Variants in ARMH3 observed in about 807,000 individuals in gnomAD.
ARMH3 encodes armadillo-like helical domain-containing protein 3.
ARMH3 carries 60 observed loss-of-function variants against 99.1 expected under a neutral mutation model. That is an observed-to-expected ratio of 0.61 (90% CI 0.49 to 0.75). The LOEUF is 0.75. Ranked by LOEUF, ARMH3 falls within the 30% of genes least tolerant of loss-of-function variation. The pLI, the probability that ARMH3 is intolerant of heterozygous loss-of-function variation, is 0.00. For missense variants in ARMH3, 679 were observed against 843.1 expected (o/e 0.81, Z 2.41); for synonymous variants, 285 against 292.8 (o/e 0.97, Z 0.27).
chr10:101,976,255 G>A (rs1020798654), intron 19 of ARMH3, among the ~76,000 whole-genome samples: 11 of 146,952 alleles, frequency 7.5e-5, no homozygotes, highest in African/African-American at 2.2e-4. Context: ...CAGGAGAATC[G>A]CTTGAACCTA....
chr10:102,020,502 G>A (rs1033550389), intron 8 of ARMH3, among the ~76,000 whole-genome samples: 16 of 151,892 alleles, frequency 1.1e-4, no homozygotes, highest in Non-Finnish European at 1.9e-4. Flanking sequence ...TAGCTAACAC[G>A]GTGAAACCCC....
intron 23 of ARMH3, among the ~76,000 whole-genome samples, chr10:101,909,209 C>A (rs1251521955): frequency 6.6e-6 from 1 of 151,464 alleles, no homozygotes; most frequent in Non-Finnish European, 1.5e-5. Context: ...GAGTTGGAGA[C>A]CAGCCTGGGC....
chr10:101,962,651 T>C (rs1845348827), intron 20 of ARMH3, among the ~76,000 whole-genome samples: 1 of 152,176 alleles, frequency 6.6e-6, no homozygotes, highest in Non-Finnish European at 1.5e-5. Context: ...ATTTTACAGA[T>C]GAGCAAATCA....
In ARMH3 at chr10:102,014,144, G is replaced by A. The variant is rs1000991268; in HGVS notation, c.670-120C>T. On this transcript the variant is annotated intron_variant, in intron 8 of 25. Coordinates refer to ENST00000370033, the MANE Select transcript of ARMH3 (RefSeq NM_024541.3). ...GCCCTCTCTCTACAGTGATGCTCCT[G>A]ATACACAGTCCCAATCCATATTGCC... 5 of 705,052 alleles carry A rather than the reference G, an allele frequency of 7.1e-6. No individual in the cohort carries two copies. In the Admixed American group the frequency reaches 1.4e-4, roughly 20 times the overall value. 43.7% of individuals were successfully genotyped at this position (705,052 alleles called of 1,614,324 possible).
intron 24 of ARMH3, among the ~76,000 whole-genome samples, chr10:101,858,091 T>C (rs955487328): frequency 2.0e-5 from 3 of 152,246 alleles, no homozygotes; most frequent in Non-Finnish European, 4.4e-5. Context: ...CCAATTCTTC[T>C]TTCCCTAAAA....
intron 24 of ARMH3, among the ~76,000 whole-genome samples, chr10:101,877,083 C>T (rs968334031): frequency 2.0e-5 from 3 of 152,048 alleles, no homozygotes; most frequent in Non-Finnish European, 4.4e-5. Context: ...GTGGCGCACA[C>T]CTGTAGTCCC....
intron 8 of ARMH3, among the ~76,000 whole-genome samples, chr10:102,016,058 C>T (rs1420125450): frequency 1.3e-5 from 2 of 152,186 alleles, no homozygotes; most frequent in African/African-American, 4.8e-5. Flanking sequence ...TCACTTGAGT[C>T]CAGGAGGTCA....
intron 24 of ARMH3, among the ~76,000 whole-genome samples, chr10:101,853,784 G>A (rs1331592427): frequency 2.0e-5 from 3 of 152,148 alleles, no homozygotes; most frequent in African/African-American, 7.2e-5. Flanking sequence ...ACCCTTAGGA[G>A]ACAGACACTT....
At chr10:101,867,682 A>G (rs1213192062) in intron 24 of ARMH3, among the ~76,000 whole-genome samples, 1 of 152,054 alleles carries the variant, frequency 6.6e-6, no homozygotes, top group Non-Finnish European at 1.5e-5. Flanking sequence ...AAAATAAAAA[A>G]TTAGCTGGGT....
chr10:101,896,278 G>A (rs1269377428), intron 23 of ARMH3, among the ~76,000 whole-genome samples: 1 of 152,162 alleles, frequency 6.6e-6, no homozygotes, highest in Non-Finnish European at 1.5e-5. Flanking sequence ...AACAAGTGTT[G>A]GCAAGGATGT....
intron 22 of ARMH3, among the ~76,000 whole-genome samples, chr10:101,942,642 A>C (rs1452145698): frequency 6.6e-6 from 1 of 152,088 alleles, no homozygotes; most frequent in Non-Finnish European, 1.5e-5. Context: ...TGGGTGGATC[A>C]CTTGAGGTCA....
chr10:101,873,115 C>T (rs1190282245), intron 24 of ARMH3, among the ~76,000 whole-genome samples: 4 of 151,422 alleles, frequency 2.6e-5, no homozygotes, highest in South Asian at 2.1e-4. Flanking sequence ...TTGAAAACAG[C>T]GTGGCAGGCC....
At chr10:101,915,375 C>T (rs148362150) in intron 23 of ARMH3, among the ~76,000 whole-genome samples, 29 of 152,284 alleles carry the variant, frequency 1.9e-4, no homozygotes, top group African/African-American at 6.3e-4. Context: ...ATGATGGCTA[C>T]ACATCTGCTC....
intron 24 of ARMH3, among the ~76,000 whole-genome samples, chr10:101,864,910 C>G (rs909849081): frequency 6.6e-6 from 1 of 151,720 alleles, no homozygotes; most frequent in Admixed American, 6.6e-5. Context: ...ACTTTACAAA[C>G]TCTCAATTAA....
At chr10:101,965,328 A>G (rs1845485748) in intron 20 of ARMH3, among the ~76,000 whole-genome samples, 1 of 152,242 alleles carries the variant, frequency 6.6e-6, no homozygotes, top group Non-Finnish European at 1.5e-5. Flanking sequence ...CATACTAAGT[A>G]CAGGGACAAA....
rs2066465192 is a variant in ARMH3, at chr10:101,846,246, A to C, written c.*1282T>G. On this transcript the variant is annotated 3_prime_UTR_variant, in exon 26 of 26. Transcript: ENST00000370033. ...TCCCTCCCAGGCACTAGACCATGAC[A>C]GGAATAGATTCCTCCCCAGAGGAAA... 6.5e-6 allele frequency: 1 copy of C among 152,698 alleles called. No individual in the cohort carries two copies. The highest frequency in any genetic ancestry group is 6.5e-5 in the Admixed American group (1 of 15,286). The allele number at this position is 152,698 out of a possible 1,614,324, so 9.5% of individuals were successfully genotyped here. A position where few individuals can be genotyped will look rare whatever the true frequency, so the allele number is the denominator to read the frequency against.
At chr10:101,894,770 G>A (rs151216732) in intron 23 of ARMH3, among the ~76,000 whole-genome samples, 3,037 of 152,024 alleles carry the variant, frequency 0.02, 37 homozygotes, top group Non-Finnish European at 0.029. Flanking sequence ...CTACTTGGGG[G>A]GCTGAGGCAG....
intron 19 of ARMH3, among the ~76,000 whole-genome samples, chr10:101,984,739 T>C (rs779692829): frequency 1.7e-4 from 26 of 151,978 alleles, no homozygotes; most frequent in Non-Finnish European, 3.2e-4. Context: ...TCAAGCAGAA[T>C]GAAAATTTTA....
intron 22 of ARMH3, among the ~76,000 whole-genome samples, chr10:101,953,310 TGGTA>T (rs1017615473): frequency 6.6e-6 from 1 of 152,186 alleles, no homozygotes; most frequent in African/African-American, 2.4e-5. Context: ...TTTGTATCTT[TGGTA>T]AAGACAGGGT....
Sources: allele counts gnomAD v4.1 joint callset (sites outside exome capture counted in the v4.1 genomes callset), GRCh38; gene constraint gnomAD v4.1.1; transcripts MANE v1.5; gene names NCBI Gene and HGNC (gene_info 2026-07-23, HGNC 2026-07-21).